The following SLC25A48 variants were observed in gnomAD, a reference collection of about 807,000 sequenced individuals.
SLC25A48 encodes the protein solute carrier family 25 member 48.
In SLC25A48, 29 loss-of-function variants were observed where a neutral mutation model predicts 32.2. The observed-to-expected ratio is 0.90, with a 90% CI of 0.67 to 1.23. The LOEUF (loss-of-function observed/expected upper bound fraction) is 1.23, where lower values mean the gene tolerates loss of function less well. SLC25A48 is among the 50% of genes most tolerant of loss of function. The pLI, the probability that SLC25A48 is intolerant of heterozygous loss-of-function variation, is 0.00. For missense variants in SLC25A48, 399 were observed against 422.7 expected, an observed-to-expected ratio of 0.94 and a Z score of 0.49; for synonymous variants, 164 against 172.3, an observed-to-expected ratio of 0.95 and a Z score of 0.38.
At chr5:135,822,808 C>T (rs1757927063) in intron 4 of SLC25A48, among the ~76,000 whole-genome samples, 1 of 152,104 alleles carries the variant, frequency 6.6e-6, no homozygotes. Flanking sequence ...TGCCATTTAG[C>T]CTGTCCCTTC....
intron 2 of SLC25A48, among the ~76,000 whole-genome samples, chr5:135,844,745 A>T (rs1184242008): frequency 4.6e-5 from 7 of 152,184 alleles, no homozygotes; most frequent in Non-Finnish European, 1.5e-5. Context: ...TTTAACCAAA[A>T]TTGGAGAATG....
intron 7 of SLC25A48, chr5:135,883,134 G>T: frequency 1.0e-6 from 1 of 985,444 alleles, no homozygotes; most frequent in East Asian, 1.1e-4. Flanking sequence ...TGAAGAGAAA[G>T]ACTCTCCACC....
intron 4 of SLC25A48, among the ~76,000 whole-genome samples, chr5:135,864,212 G>A (rs867292317): frequency 6.6e-6 from 1 of 152,184 alleles, no homozygotes; most frequent in Non-Finnish European, 1.5e-5. Context: ...CATTTCTCTA[G>A]TTTCCCTGAA....
chr5:135,749,903 T>G (rs1037644543), intron 3 of SLC25A48, among the ~76,000 whole-genome samples: 1 of 152,012 alleles, frequency 6.6e-6, no homozygotes, highest in Admixed American at 6.6e-5. Flanking sequence ...GACCGCTTCT[T>G]AAGGTGAGTG....
intron 4 of SLC25A48, among the ~76,000 whole-genome samples, chr5:135,861,757 G>T (rs569950945): frequency 4.1e-4 from 62 of 152,334 alleles, no homozygotes; most frequent in African/African-American, 1.4e-3. Flanking sequence ...TCATGAGTGG[G>T]ATAAGGGGTG....
chr5:135,654,519 G>T (rs1392259726), intron 3 of SLC25A48, among the ~76,000 whole-genome samples: 1 of 152,180 alleles, frequency 6.6e-6, no homozygotes, highest in Non-Finnish European at 1.5e-5. Flanking sequence ...CTCATGGTGG[G>T]CCTAAAGTTG....
In SLC25A48 at chr5:135,696,476, G is replaced by A. The variant is rs116764525; in HGVS notation, c.-521+61520G>A. On this transcript the variant is annotated intron_variant, in intron 3 of 10. Coordinates refer to the SLC25A48 transcript ENST00000646290. ...TGGCAGTGAATTCCAGAAGGGCAGGGATGCTCAGTGAATGCTGGGTGAGTG... is the reference window on the plus strand; with the variant it reads ...TGGCAGTGAATTCCAGAAGGGCAGGAATGCTCAGTGAATGCTGGGTGAGTG... Among the ~76,000 whole-genome samples, 592 of 152,206 alleles carry A rather than the reference G, an allele frequency of 3.9e-3. 5 individuals are homozygous for A. The highest frequency in any genetic ancestry group is 0.014 in the African/African-American group (561 of 41,466).
chr5:135,683,584 T>A (rs1394810147), intron 3 of SLC25A48, among the ~76,000 whole-genome samples: 2 of 152,180 alleles, frequency 1.3e-5, no homozygotes, highest in Non-Finnish European at 2.9e-5. Flanking sequence ...CCCCTAAGTA[T>A]GTGCTGACTA....
At chr5:135,805,119 C>T (rs1415636845) in intron 3 of SLC25A48, among the ~76,000 whole-genome samples, 1 of 151,042 alleles carries the variant, frequency 6.6e-6, no homozygotes, top group Non-Finnish European at 1.5e-5. Flanking sequence ...GGAGATATTA[C>T]TCCTAATATA....
At chr5:135,744,379 C>A (rs1755586541) in intron 3 of SLC25A48, among the ~76,000 whole-genome samples, 1 of 151,856 alleles carries the variant, frequency 6.6e-6, no homozygotes, top group Non-Finnish European at 1.5e-5. Context: ...GAGACAGGGT[C>A]TCACTCTGTC....
At chr5:135,859,582 C>G (rs991724140) in intron 4 of SLC25A48, among the ~76,000 whole-genome samples, 11 of 152,184 alleles carry the variant, frequency 7.2e-5, no homozygotes, top group African/African-American at 2.7e-4. Flanking sequence ...TTCCTCAAAT[C>G]AATCTCATAG....
At chr5:135,842,504 A>G (rs1759092928) in intron 2 of SLC25A48, 45 bp downstream of exon 2, 1 of 1,545,136 alleles carries the variant, frequency 6.5e-7, no homozygotes, top group African/African-American at 1.4e-5. Flanking sequence ...AGAGGCATGG[A>G]GCTGACCTGC....
chr5:135,715,728 T>G (rs1229323812), intron 3 of SLC25A48, among the ~76,000 whole-genome samples: 1 of 152,256 alleles, frequency 6.6e-6, no homozygotes, highest in East Asian at 1.9e-4. Context: ...TAATGCCTCC[T>G]GAAAGAAAAC....
chr5:135,871,355 T>C, intron 4 of SLC25A48, 106 bp from the exon 5 acceptor site: 2 of 1,354,278 alleles, frequency 1.5e-6, no homozygotes, highest in Non-Finnish European at 1.0e-6. Flanking sequence ...GCTGATGGGC[T>C]ACATGAGAGG....
chr5:135,768,237 GGAT>G (rs1361377822), intron 3 of SLC25A48, among the ~76,000 whole-genome samples: 2 of 147,290 alleles, frequency 1.4e-5, no homozygotes, highest in Admixed American at 1.3e-4. Context: ...GCGGGAAAGA[GGAT>G]GATATTACTC....
chr5:135,762,512 G>A (rs970229916), intron 3 of SLC25A48, among the ~76,000 whole-genome samples: 7 of 152,124 alleles, frequency 4.6e-5, no homozygotes, highest in Non-Finnish European at 8.8e-5. Context: ...GGCTGCAGGG[G>A]AGGAGCAGAA....
At chr5:135,726,919 C>T (rs1024084877) in intron 3 of SLC25A48, among the ~76,000 whole-genome samples, 1 of 152,114 alleles carries the variant, frequency 6.6e-6, no homozygotes, top group Non-Finnish European at 1.5e-5. Context: ...TATATTTTCA[C>T]CAGCAATGTA....
intron 1 of SLC25A48, among the ~76,000 whole-genome samples, chr5:135,607,021 G>T (rs1751953301): frequency 6.6e-6 from 1 of 152,112 alleles, no homozygotes; most frequent in African/African-American, 2.4e-5. Flanking sequence ...TGACCCTCAA[G>T]AACTCTTACC....
intron 3 of SLC25A48, among the ~76,000 whole-genome samples, chr5:135,768,344 C>T (rs1425423241): frequency 6.6e-6 from 1 of 150,718 alleles, no homozygotes; most frequent in African/African-American, 2.4e-5. Context: ...AGCGAGTGTA[C>T]ACACTCCCTT....
Sources: allele counts gnomAD v4.1 joint callset (sites outside exome capture counted in the v4.1 genomes callset), GRCh38; gene constraint gnomAD v4.1.1; transcripts MANE v1.5; gene names NCBI Gene and HGNC (gene_info 2026-07-23, HGNC 2026-07-21).